Variants in GAL3ST3 observed in about 807,000 individuals in gnomAD.
GAL3ST3 encodes the protein beta-galactose-3-O-sulfotransferase 3.
A neutral mutation model predicts 20.8 loss-of-function variants in GAL3ST3; 21 were observed. The ratio of observed to expected loss-of-function variants is 1.01; its 90% CI spans 0.72 to 1.45. The LOEUF is 1.45. Among genes scored for constraint, GAL3ST3 ranks in the 40% most tolerant of loss-of-function variants. GAL3ST3 has a pLI of 0.00. For synonymous variants in GAL3ST3, 355 were observed against 307.2 expected (o/e 1.16, Z -1.63); for missense variants, 739 against 662.7 (o/e 1.12, Z -1.26).
At chr11:66,045,189 A>T in intron 2 of GAL3ST3, 102 bp downstream of exon 2, 1 of 1,065,150 alleles carries the variant, frequency 9.4e-7, no homozygotes, top group East Asian at 3.1e-5. Context: ...AAGGGAAAGC[A>T]CTTTCAGAAT....
rs1856728789 is a variant in GAL3ST3 at position 66,042,919 on chromosome 11, G to C, written c.884C>G (p.Ala295Gly). 2 of 1,223,864 alleles carry C rather than the reference G, an allele frequency of 1.6e-6. No individual in the cohort carries two copies. Among genetic ancestry groups the C allele is most frequent in the Middle Eastern group, 3.4e-4 (1 of 2,980 alleles). The allele number at this position is 1,223,864 out of a possible 1,614,324, so 75.8% of individuals were successfully genotyped here. Residue 295 changes from alanine to glycine, a missense_variant, in exon 3 of 3, where the codon GCC becomes GGC. Transcript: ENST00000312006. ...GGCGTTGAAGTGGTCGTAGAGGCCG[G>C]CGTCCAGGGCGTTCCAGGTGCGCGC... The part of the protein sequence containing the change: ...RAARTWNALD[A>G]GLYDHFNATF...
chr11:66,043,185 G>A lies in GAL3ST3; in HGVS notation c.618C>T (p.Ala206=). 3 of 1,612,216 alleles carry A rather than the reference G, an allele frequency of 1.9e-6. No individual in the cohort carries two copies. Among genetic ancestry groups the A allele is most frequent in the East Asian group, 2.2e-5 (1 of 44,828 alleles). The change falls in exon 3 of 3, where the codon GCC becomes GCT. Residue 206 remains alanine (A), a synonymous_variant. Transcript: ENST00000312006. ...GCTCATTGTCGCCGCCCAGGTCGTAGGCCAGCGTGTTGTGTGCGAACATGG... is the reference window on the plus strand; with the variant it reads ...GCTCATTGTCGCCGCCCAGGTCGTAAGCCAGCGTGTTGTGTGCGAACATGG... ...HFAMFAHNTL[A]YDLGGDNERS...
Position 66,043,278 on chromosome 11 carries a change from T to C in GAL3ST3, c.525A>G (p.Val175=), listed in dbSNP as rs7937692. Residue 175 remains valine, a synonymous_variant, in exon 3 of 3, where the codon GTA becomes GTG. Transcript: ENST00000312006. ...GGAAGGCCTCGAGCGAGGCGTTGGGTACGCGCCGGAAGGCCGGGCAGTACT... is the reference window on the plus strand; with the variant it reads ...GGAAGGCCTCGAGCGAGGCGTTGGGCACGCGCCGGAAGGCCGGGCAGTACT... ...YNQYCPAFRR[V]PNASLEAFLR... is the part of the protein sequence containing the mutation. The C allele has an allele frequency of 0.99, 1,596,310 of 1,612,212 alleles. 790,963 individuals are homozygous for C. The highest frequency in any genetic ancestry group is 1 in the Non-Finnish European group (1,178,836 of 1,179,238).
rs1222937274 is a variant in GAL3ST3 at position 66,041,838 on chromosome 11, G to A, written c.*669C>T. ...GGGTTGTAGGCCTATGCCAGGTGGCGGGGGACCTTGAGTCCAGGCCCCCAT... is the reference window on the plus strand; with the variant it reads ...GGGTTGTAGGCCTATGCCAGGTGGCAGGGGACCTTGAGTCCAGGCCCCCAT... On this transcript the variant is annotated 3_prime_UTR_variant, in exon 3 of 3. Coordinates refer to ENST00000312006, the MANE Select transcript of GAL3ST3 (RefSeq NM_033036.3). 6.6e-6 allele frequency: 1 copy of A among 152,246 alleles called. No individual in the cohort carries two copies. The highest frequency in any genetic ancestry group is 1.5e-5 in the Non-Finnish European group (1 of 68,056). The allele number at this position is 152,246 out of a possible 1,614,324, so 9.4% of individuals were successfully genotyped here.
At chr11:66,045,252 GA>G in intron 2 of GAL3ST3, 38 bp downstream of exon 2, 1 of 1,462,900 alleles carries the variant, frequency 6.8e-7, no homozygotes, top group Non-Finnish European at 9.1e-7. Flanking sequence ...GAAGAATGGG[GA>G]GGGGAGCTCC....
At chr11:66,047,951 G>A (rs1856799053) in intron 1 of GAL3ST3, among the ~76,000 whole-genome samples, 1 of 152,204 alleles carries the variant, frequency 6.6e-6, no homozygotes, top group East Asian at 1.9e-4. Context: ...TGGGAGGCCT[G>A]CCTTCCCTTG....
chr11:66,045,726 GT>G (rs1856776360), intron 1 of GAL3ST3, among the ~76,000 whole-genome samples, 199 bp from the exon 2 acceptor site: 1 of 152,212 alleles, frequency 6.6e-6, no homozygotes, highest in Admixed American at 6.5e-5. Flanking sequence ...AGGGTCTGGG[GT>G]GTAGCCAGCC....
chr11:66,042,469 G>C lies in GAL3ST3; in HGVS notation c.*38C>G. ...CAGCCCCTGGCTGGACTCCTGGGAG[G>C]GCAGGGCAGGACCCATACTCCTGGA... On this transcript the variant is annotated 3_prime_UTR_variant, in exon 3 of 3. Transcript: ENST00000312006. 7.1e-7 allele frequency: 1 copy of C among 1,401,210 alleles called. No individual in the cohort carries two copies. Among genetic ancestry groups the C allele is most frequent in the Admixed American group, 3.1e-5 (1 of 32,494 alleles). 86.8% of individuals were successfully genotyped at this position (1,401,210 alleles called of 1,614,324 possible). A position where few individuals can be genotyped will look rare whatever the true frequency, so the allele number is the denominator to read the frequency against.
At position 66,042,768 on chromosome 11, in the gene GAL3ST3, G is replaced by A. The variant is rs78578425; in HGVS notation, c.1035C>T (p.Ala345=). ...GCAGCTGCTTGGTGCGGATCTGCGC[G>A]GCAGGCCGCAGCAGTGGCTCGTCCC... ...CFGDEPLLRP[A]AQIRTKQLQP... Residue 345 remains alanine, a synonymous_variant, in exon 3 of 3, where the codon GCC becomes GCT. Transcript: ENST00000312006. 0.15 allele frequency: 232,079 copies of A among 1,520,176 alleles called. 18,265 individuals carry two copies. Among genetic ancestry groups the A allele is most frequent in the Middle Eastern group, 0.23 (1,303 of 5,558 alleles). 94.2% of individuals were successfully genotyped at this position (1,520,176 alleles called of 1,614,324 possible). A position where few individuals can be genotyped will look rare whatever the true frequency, so the allele number is the denominator to read the frequency against.
chr11:66,046,922 GTC>G (rs1234418561), intron 1 of GAL3ST3, among the ~76,000 whole-genome samples: 2 of 152,182 alleles, frequency 1.3e-5, no homozygotes, highest in East Asian at 3.8e-4. Flanking sequence ...TTGGCTTCCA[GTC>G]TCTCTTCTTG....
rs145101959 is a variant in GAL3ST3, at chr11:66,047,047, A to G, written c.-112-1520T>C. On this transcript the variant is annotated intron_variant, in intron 1 of 2. Transcript: ENST00000312006. ...TCGCTGCTTCCCTCCACCTGCCTGC[A>G]GACAGACTTAATCCGGCCGGAGCCA... is the stretch of plus-strand genomic sequence containing the variant. 5.1e-3 allele frequency among the ~76,000 whole-genome samples: 779 copies of G among 152,266 alleles called. 5 individuals are homozygous for G. Among genetic ancestry groups the G allele is most frequent in the African/African-American group, 0.017 (697 of 41,544 alleles).
Position 66,043,070 on chromosome 11 carries a change from C to T in GAL3ST3, c.733G>A (p.Asp245Asn), listed in dbSNP as rs750201995. Residue 245 changes from aspartate to asparagine, a missense_variant, in exon 3 of 3, where the codon GAC (aspartate) becomes AAC (asparagine). By Grantham distance (23) the Asp-to-Asn change is conservative. Coordinates refer to ENST00000312006, the MANE Select transcript of GAL3ST3 (RefSeq NM_033036.3). ...CGCCGCAGCAGCACTAGCGACTCGT[C>T]GAAGTACTCGGCGATCATGACGAGC... ...FSLVMIAEYF[D>N]ESLVLLRRLL... 10 of 1,611,698 alleles carry T rather than the reference C, an allele frequency of 6.2e-6. No individual in the cohort carries two copies. In the South Asian group the frequency reaches 6.6e-5, roughly 11 times the overall value.
chr11:66,048,066 G>A (rs1856800221), intron 1 of GAL3ST3, among the ~76,000 whole-genome samples: 1 of 152,152 alleles, frequency 6.6e-6, no homozygotes, highest in South Asian at 2.1e-4. Context: ...GGCTGGTGTG[G>A]GGTGCATGAT....
At position 66,041,113 on chromosome 11, in the gene GAL3ST3, A is replaced by G. The variant is rs1856697745; in HGVS notation, c.*1394T>C. ...ACTACAGACAGCACTTGTGAGCACA[A>G]ACTCTGAAGCCACACTGCCTTGGTT... On this transcript the variant is annotated 3_prime_UTR_variant, in exon 3 of 3. Coordinates refer to ENST00000312006, the MANE Select transcript of GAL3ST3 (RefSeq NM_033036.3). Among the ~76,000 whole-genome samples the G allele has an allele frequency of 6.6e-6, 1 of 152,112 alleles. No individual in the cohort carries two copies. Among genetic ancestry groups the G allele is most frequent in the Admixed American group, 6.5e-5 (1 of 15,274 alleles).
chr11:66,046,598 G>T (rs1856785589), intron 1 of GAL3ST3, among the ~76,000 whole-genome samples: 1 of 152,216 alleles, frequency 6.6e-6, no homozygotes, highest in Admixed American at 6.5e-5. Flanking sequence ...CCAGGAGTAA[G>T]AGAGGGGAGG....
At position 66,045,466 on chromosome 11, in the gene GAL3ST3, C is replaced by A; in HGVS notation, c.-51G>T. On this transcript the variant is annotated 5_prime_UTR_variant, in exon 2 of 3. In the 5' UTR this introduces an upstream ATG that the reference lacks. Coordinates refer to ENST00000312006, the MANE Select transcript of GAL3ST3 (RefSeq NM_033036.3). Reference sequence around the variant, plus strand: ...CCAGGGCCTCACTATCCAGGACTCCCTTCACAGGCACTCATGGGGGATCCT... The same window carrying A: ...CCAGGGCCTCACTATCCAGGACTCCATTCACAGGCACTCATGGGGGATCCT... The A allele has an allele frequency of 6.6e-7, 1 of 1,503,934 alleles. No individual in the cohort carries two copies. Among genetic ancestry groups the A allele is most frequent in the Non-Finnish European group, 8.9e-7 (1 of 1,123,586 alleles). The allele number at this position is 1,503,934 out of a possible 1,614,324, so 93.2% of individuals were successfully genotyped here.
At position 66,045,271 on chromosome 11, in the gene GAL3ST3, CT is replaced by C. The variant is rs1401171283; in HGVS notation, c.125+19del. 2 of 1,514,278 alleles carry C rather than the reference CT, an allele frequency of 1.3e-6. No individual in the cohort carries two copies. Among genetic ancestry groups the C allele is most frequent in the Non-Finnish European group, 1.8e-6 (2 of 1,129,516 alleles). 93.8% of individuals were successfully genotyped at this position (1,514,278 alleles called of 1,614,324 possible). ...AATGGGGAGGGGAGCTCCGGCCCCC[CT>C]GGGGCCCCGCCCCCTTACCAGCTGA... On this transcript the variant is annotated intron_variant, in intron 2 of 2. Coordinates refer to ENST00000312006, the MANE Select transcript of GAL3ST3 (RefSeq NM_033036.3).
rs1856743978 is a variant in GAL3ST3 at position 66,043,441 on chromosome 11, C to T, written c.362G>A (p.Arg121Gln). 11 of 1,609,066 alleles carry T rather than the reference C, an allele frequency of 6.8e-6. No homozygotes were observed. Among genetic ancestry groups the T allele is most frequent in the Non-Finnish European group, 9.3e-6 (11 of 1,178,232 alleles). ...GTGGCTGGCCAGCACGTGCGGCGGC[C>T]GCGTGGCCGGGTGCACGAAGTGCGC... ...FSAHFVHPAT[R>Q]PPHVLASHLR... Residue 121 changes from arginine (R) to glutamine (Q), a missense_variant, in exon 3 of 3, where the codon CGG (arginine) becomes CAG (glutamine). Coordinates refer to ENST00000312006, the MANE Select transcript of GAL3ST3 (RefSeq NM_033036.3).
chr11:66,048,658 C>T (rs1856806398), intron 1 of GAL3ST3, among the ~76,000 whole-genome samples: 2 of 145,408 alleles, frequency 1.4e-5, no homozygotes, highest in African/African-American at 5.1e-5. Flanking sequence ...CCAGGTCTGC[C>T]CCTGGCCCCC....
Sources: gnomAD v4.1 joint callset for allele counts (sites outside exome capture counted in the v4.1 genomes callset) on GRCh38, gnomAD v4.1.1 for gene constraint, MANE v1.5 for transcripts, NCBI Gene and HGNC (gene_info 2026-07-23, HGNC 2026-07-21) for gene names.